The following TESC variants were observed in gnomAD, a reference collection of about 807,000 sequenced individuals.
TESC encodes calcineurin B homologous protein 3.
Under a neutral mutation model 31.0 loss-of-function variants are expected in TESC, and 19 were observed. That is an observed-to-expected ratio of 0.61 (90% CI 0.43 to 0.90). The LOEUF (loss-of-function observed/expected upper bound fraction) is 0.90. TESC is among the 40% of genes least tolerant of loss of function. The pLI, the probability that TESC is intolerant of heterozygous loss-of-function variation, is 0.00. For synonymous variants in TESC, 109 were observed against 114.8 expected (o/e 0.95, Z 0.32); for missense variants, 248 against 303.8 (o/e 0.82, Z 1.36).
chr12:117,071,666 A>C (rs1383408737), intron 2 of TESC, among the ~76,000 whole-genome samples: 2 of 152,164 alleles, frequency 1.3e-5, no homozygotes, highest in Non-Finnish European at 2.9e-5. Flanking sequence ...AGGGTGCTAC[A>C]TATGAGGTCC....
At chr12:117,044,762 T>C (rs1382849390) in intron 6 of TESC, among the ~76,000 whole-genome samples, 3 of 152,286 alleles carry the variant, frequency 2.0e-5, no homozygotes, top group Admixed American at 6.5e-5. Context: ...CCGGGCGTAG[T>C]GGCACACGCC....
At chr12:117,085,716 G>C (rs1342568514) in intron 1 of TESC, among the ~76,000 whole-genome samples, 1 of 152,198 alleles carries the variant, frequency 6.6e-6, no homozygotes, top group African/African-American at 2.4e-5. Context: ...GGAAAGGTGA[G>C]CTCCTGACAG....
At chr12:117,078,035 A>G (rs981190501) in intron 1 of TESC, among the ~76,000 whole-genome samples, 1 of 152,254 alleles carries the variant, frequency 6.6e-6, no homozygotes, top group Non-Finnish European at 1.5e-5. Context: ...AAAATTTTTT[A>G]AAATTGTAAT....
intron 1 of TESC, among the ~76,000 whole-genome samples, chr12:117,095,893 T>C (rs914146631): frequency 1.3e-5 from 2 of 151,390 alleles, no homozygotes; most frequent in African/African-American, 4.9e-5. Context: ...AACTAAAAAT[T>C]AAAAAAAACT....
intron 1 of TESC, chr12:117,098,630 A>G (rs1955426849): frequency 6.6e-6 from 1 of 152,224 alleles, no homozygotes; most frequent in Admixed American, 6.5e-5. Context: ...TCAGGGGAGG[A>G]CGCTGGGCTC....
At chr12:117,046,862 G>T (rs1285555328) in intron 4 of TESC, 24 bp from the exon 5 acceptor site, 1 of 1,556,542 alleles carries the variant, frequency 6.4e-7, no homozygotes, top group Middle Eastern at 1.7e-4. Flanking sequence ...GGAGAGAGGG[G>T]ACTCCGTCAG....
In TESC at chr12:117,053,711, C is replaced by T. The variant is rs568502385; in HGVS notation, c.209+3095G>A. Among the ~76,000 whole-genome samples the T allele has an allele frequency of 2.0e-5, 3 of 152,254 alleles. No homozygotes were observed. The South Asian group carries it at 6.2e-4, about 32-fold the overall frequency. On this transcript the variant is annotated intron_variant, in intron 3 of 7. Transcript: ENST00000335209. ...CTCGTGCCTACACACACCCCCTAAA[C>T]GTGCACACATGCTCCCTCTCTCGCG... is the stretch of plus-strand genomic sequence containing the variant.
chr12:117,083,778 T>C (rs1955180242), intron 1 of TESC, among the ~76,000 whole-genome samples: 1 of 152,000 alleles, frequency 6.6e-6, no homozygotes, highest in Admixed American at 6.6e-5. Flanking sequence ...GGGTATCCTT[T>C]TGGGGGTGAT....
intron 7 of TESC, 25 bp from the exon 8 acceptor site, chr12:117,039,235 G>T: frequency 6.2e-7 from 1 of 1,605,916 alleles, no homozygotes; most frequent in Non-Finnish European, 8.5e-7. Flanking sequence ...GCAGCGTTAA[G>T]GGCACGTTCC....
chr12:117,041,598 G>A (rs1405235938), intron 7 of TESC, among the ~76,000 whole-genome samples: 1 of 152,240 alleles, frequency 6.6e-6, no homozygotes, highest in Non-Finnish European at 1.5e-5. Context: ...CTCCCAACGT[G>A]CTGGGATTAC....
intron 1 of TESC, 105 bp downstream of exon 1, chr12:117,099,120 G>T: frequency 4.8e-6 from 6 of 1,245,110 alleles, no homozygotes; most frequent in Non-Finnish European, 6.3e-6. Context: ...GAGAGGGCCC[G>T]CCACTGGCCC....
chr12:117,082,147 T>C (rs1955157386), intron 1 of TESC, among the ~76,000 whole-genome samples: 1 of 151,722 alleles, frequency 6.6e-6, no homozygotes, highest in African/African-American at 2.4e-5. Flanking sequence ...AAGTTGAGGT[T>C]GCAGTGAGCC....
chr12:117,074,547 A>T (rs2135783840), intron 2 of TESC, among the ~76,000 whole-genome samples: 1 of 152,262 alleles, frequency 6.6e-6, no homozygotes, highest in South Asian at 2.1e-4. Context: ...GGCCAGAACT[A>T]ACCCTAAAGA....
At chr12:117,093,211 C>G (rs914658235) in intron 1 of TESC, among the ~76,000 whole-genome samples, 1 of 152,214 alleles carries the variant, frequency 6.6e-6, no homozygotes, top group Non-Finnish European at 1.5e-5. Context: ...TCTGGTCCAC[C>G]CTGGTAGCAG....
chr12:117,052,028 C>T (rs1302241095), intron 3 of TESC, among the ~76,000 whole-genome samples: 1 of 152,208 alleles, frequency 6.6e-6, no homozygotes, highest in African/African-American at 2.4e-5. Context: ...ACTGCCTTAG[C>T]CTCCTGGAGT....
rs1419833739 is a variant in TESC at position 117,046,614 on chromosome 12, C to T, written c.464G>A (p.Arg155His). 7 of 1,551,400 alleles carry T rather than the reference C, an allele frequency of 4.5e-6. No individual in the cohort carries two copies. The highest frequency in any genetic ancestry group is 2.7e-5 in the African/African-American group (2 of 73,064). The change falls in exon 6 of 8, where the codon CGC becomes CAC. Residue 155 changes from arginine (R) to histidine (H), a missense_variant. Coordinates refer to ENST00000335209, the MANE Select transcript of TESC (RefSeq NM_017899.4). Reference protein sequence around the residue: ...GNPHIEKESARSIADGAMMEA... With the variant: ...GNPHIEKESAHSIADGAMMEA... ...CATCATGGCCCCGTCGGCGATGGAG[C>T]GAGCGGACTCCTTCTCGATGTGAGG...
At chr12:117,075,214 C>A in intron 2 of TESC, 57 bp downstream of exon 2, 7 of 1,557,264 alleles carry the variant, frequency 4.5e-6, no homozygotes, top group Non-Finnish European at 6.1e-6. Context: ...AGAAACAGGA[C>A]AAGAAATTTG....
intron 6 of TESC, among the ~76,000 whole-genome samples, chr12:117,044,929 A>T (rs557626801): frequency 3.5e-4 from 53 of 151,796 alleles, no homozygotes; most frequent in African/African-American, 1.1e-3. Flanking sequence ...AGAGAGACAG[A>T]TCCGCCTCAG....
chr12:117,086,092 C>T (rs2135798104), intron 1 of TESC, among the ~76,000 whole-genome samples: 1 of 152,200 alleles, frequency 6.6e-6, no homozygotes, highest in South Asian at 2.1e-4. Context: ...ACAGGCAGAT[C>T]CACACAGGCA....
Sources: gnomAD v4.1 joint callset for allele counts (sites outside exome capture counted in the v4.1 genomes callset) on GRCh38, gnomAD v4.1.1 for gene constraint, MANE v1.5 for transcripts, NCBI Gene and HGNC (gene_info 2026-07-23, HGNC 2026-07-21) for gene names.